PKP4: variants seen among roughly 807,000 people sequenced by gnomAD.
PKP4 encodes the protein plakophilin 4.
A neutral mutation model predicts 145.1 loss-of-function variants in PKP4; 90 were observed. The observed-to-expected ratio is 0.62, with a 90% CI of 0.52 to 0.74. PKP4 has a LOEUF of 0.74. Among genes scored for constraint, PKP4 ranks in the 30% least tolerant of loss-of-function variants. The probability of loss-of-function intolerance (pLI) is 0.00; values close to 1 mark genes in which losing one functional copy is unlikely to be tolerated. For synonymous variants in PKP4, 563 were observed against 577.2 expected, an observed-to-expected ratio of 0.98 and a Z score of 0.35; for missense variants, 1,340 against 1,482.7, an observed-to-expected ratio of 0.90 and a Z score of 1.58.
intron 2 of PKP4, among the ~76,000 whole-genome samples, chr2:158,547,405 A>G (rs2045167777): frequency 1.3e-5 from 2 of 152,242 alleles, no homozygotes; most frequent in Admixed American, 1.3e-4. Flanking sequence ...TAAGCCAAAC[A>G]TAAAAGAGTA....
chr2:158,521,698 A>G (rs752862865), intron 1 of PKP4, among the ~76,000 whole-genome samples: 14 of 152,194 alleles, frequency 9.2e-5, no homozygotes, highest in Non-Finnish European at 2.1e-4. Context: ...ACTCGATACC[A>G]TATGCTCCTG....
At chr2:158,523,073 C>G (rs1414793242) in intron 1 of PKP4, among the ~76,000 whole-genome samples, 1 of 152,234 alleles carries the variant, frequency 6.6e-6, no homozygotes, top group Admixed American at 6.5e-5. Flanking sequence ...CGCCATTGCC[C>G]AGGCTTGCTT....
chr2:158,563,845 A>C (rs1304139636), intron 2 of PKP4, among the ~76,000 whole-genome samples: 1 of 152,114 alleles, frequency 6.6e-6, no homozygotes, highest in Admixed American at 6.6e-5. Context: ...AATTGTTAGA[A>C]TAGGCCATAA....
intron 11 of PKP4, among the ~76,000 whole-genome samples, chr2:158,655,831 C>T (rs2055859586): frequency 6.6e-6 from 1 of 152,208 alleles, no homozygotes; most frequent in African/African-American, 2.4e-5. Flanking sequence ...GCTTATGCTC[C>T]TGGAGGCCCC....
intron 1 of PKP4, among the ~76,000 whole-genome samples, chr2:158,500,342 G>A (rs1696367628): frequency 6.6e-6 from 1 of 152,158 alleles, no homozygotes; most frequent in Non-Finnish European, 1.5e-5. Context: ...TTATTATTAA[G>A]TGTGCAGAAA....
rs1442869366 is a variant in PKP4, at chr2:158,554,212, C to G, written c.132+20896C>G. On this transcript the variant is annotated intron_variant, in intron 2 of 21. Coordinates refer to ENST00000389759, the MANE Select transcript of PKP4 (RefSeq NM_003628.6). ...GCCTTCTGGCACTCACTGTCATTCG[C>G]TGAAGATTCAGCTCATGGCCACCTT... is the stretch of plus-strand genomic sequence containing the variant. 7.3e-5 allele frequency among the ~76,000 whole-genome samples: 11 copies of G among 150,142 alleles called. No individual in the cohort carries two copies. The South Asian group carries it at 1.1e-3, about 15-fold the overall frequency.
intron 1 of PKP4, among the ~76,000 whole-genome samples, chr2:158,492,341 C>G (rs77322604): frequency 2.0e-5 from 3 of 152,124 alleles, no homozygotes; most frequent in Non-Finnish European, 4.4e-5. Context: ...GCAAGTTATG[C>G]GAAGTTAATT....
intron 3 of PKP4, among the ~76,000 whole-genome samples, chr2:158,598,494 G>A (rs1232636225): frequency 7.9e-5 from 12 of 152,178 alleles, no homozygotes; most frequent in East Asian, 3.9e-4. Flanking sequence ...ATTGCCGGGC[G>A]TGGTGGCTCA....
At chr2:158,558,185 A>G (rs1224327206) in intron 2 of PKP4, among the ~76,000 whole-genome samples, 1 of 152,192 alleles carries the variant, frequency 6.6e-6, no homozygotes, top group East Asian at 1.9e-4. Context: ...ACAATTACAG[A>G]GATATCATTG....
intron 19 of PKP4, 53 bp from the exon 20 acceptor site, chr2:158,676,686 T>C: frequency 6.2e-7 from 1 of 1,608,374 alleles, no homozygotes; most frequent in Non-Finnish European, 8.5e-7. Context: ...CAGATACTGA[T>C]GCTGATTTCT....
intron 1 of PKP4, among the ~76,000 whole-genome samples, chr2:158,510,879 A>G (rs1334158196): frequency 6.6e-6 from 1 of 152,154 alleles, no homozygotes; most frequent in East Asian, 1.9e-4. Flanking sequence ...CCAAATTTAC[A>G]CCTAGATTTT....
intron 17 of PKP4, among the ~76,000 whole-genome samples, chr2:158,671,170 ATATT>A (rs1307274342): frequency 2.0e-5 from 3 of 152,148 alleles, no homozygotes; most frequent in Admixed American, 1.3e-4. Flanking sequence ...TGTTTGGTGA[ATATT>A]TATTAATTGG....
intron 2 of PKP4, among the ~76,000 whole-genome samples, chr2:158,563,511 C>T (rs913799809): frequency 6.6e-6 from 1 of 152,142 alleles, no homozygotes; most frequent in Non-Finnish European, 1.5e-5. Flanking sequence ...TGTATCAGCA[C>T]ATTTGGATTT....
intron 1 of PKP4, among the ~76,000 whole-genome samples, chr2:158,464,003 C>T (rs1174801088): frequency 5.3e-5 from 8 of 152,186 alleles, no homozygotes; most frequent in African/African-American, 1.9e-4. Context: ...ACAGCCCTGA[C>T]TTCTGGGACT....
At chr2:158,491,432 T>G (rs1317486995) in intron 1 of PKP4, among the ~76,000 whole-genome samples, 1 of 152,166 alleles carries the variant, frequency 6.6e-6, no homozygotes, top group Non-Finnish European at 1.5e-5. Flanking sequence ...ATTTTCAGTT[T>G]GTATTTCTCT....
chr2:158,677,184 G>C (rs1293124419), intron 20 of PKP4: 1 of 370,586 alleles, frequency 2.7e-6, no homozygotes, highest in Non-Finnish European at 5.2e-6. Context: ...CTCCTGGCTC[G>C]AGCAGTCTCT....
chr2:158,559,909 C>G (rs894745803), intron 2 of PKP4, among the ~76,000 whole-genome samples: 2 of 152,086 alleles, frequency 1.3e-5, no homozygotes, highest in African/African-American at 4.8e-5. Context: ...CTCTTTCTCC[C>G]AGGCTGGAGT....
At chr2:158,530,781 C>G (rs766805545) in intron 1 of PKP4, among the ~76,000 whole-genome samples, 1 of 151,954 alleles carries the variant, frequency 6.6e-6, no homozygotes. Flanking sequence ...TGGCTTTGCT[C>G]CTCATCTAAT....
chr2:158,572,717 A>G (rs949814035), intron 2 of PKP4, among the ~76,000 whole-genome samples: 1 of 152,228 alleles, frequency 6.6e-6, no homozygotes, highest in Non-Finnish European at 1.5e-5. Flanking sequence ...TATGAGATTC[A>G]AAAACTTAAA....
Sources: gnomAD v4.1 joint callset for allele counts (sites outside exome capture counted in the v4.1 genomes callset) on GRCh38, gnomAD v4.1.1 for gene constraint, MANE v1.5 for transcripts, NCBI Gene and HGNC (gene_info 2026-07-23, HGNC 2026-07-21) for gene names.